FGGY: variants seen among roughly 807,000 people sequenced by gnomAD.
The protein encoded by FGGY is FGGY carbohydrate kinase domain containing.
A neutral mutation model predicts 71.3 loss-of-function variants in FGGY; 72 were observed. The observed-to-expected ratio is 1.01, with a 90% CI of 0.84 to 1.23. The LOEUF (loss-of-function observed/expected upper bound fraction) is 1.23, where lower values mean the gene tolerates loss of function less well. FGGY is among the 50% of genes most tolerant of loss of function. The pLI is 0.00. For missense variants in FGGY, 668 were observed against 682.3 expected, an observed-to-expected ratio of 0.98 and a Z score of 0.23; for synonymous variants, 251 against 250.3, an observed-to-expected ratio of 1.00 and a Z score of -0.02.
At chr1:59,710,981 C>T (rs2097789671) in intron 14 of FGGY, among the ~76,000 whole-genome samples, 2 of 152,116 alleles carry the variant, frequency 1.3e-5, no homozygotes, top group South Asian at 4.2e-4. Flanking sequence ...ACTACAAAGA[C>T]AAATGCACAT....
intron 8 of FGGY, among the ~76,000 whole-genome samples, chr1:59,595,896 C>A (rs970892513): frequency 8.5e-5 from 13 of 152,158 alleles, no homozygotes; most frequent in African/African-American, 3.1e-4. Context: ...GCCTGCTTCA[C>A]ATCGAAGGCA....
intron 14 of FGGY, among the ~76,000 whole-genome samples, chr1:59,702,523 C>G (rs2154020167): frequency 6.6e-6 from 1 of 152,182 alleles, no homozygotes; most frequent in East Asian, 1.9e-4. Flanking sequence ...TAGATGAGAA[C>G]TATGGGGTAA....
intron 6 of FGGY, among the ~76,000 whole-genome samples, chr1:59,484,086 T>C (rs931881150): frequency 1.3e-5 from 2 of 152,186 alleles, no homozygotes; most frequent in Non-Finnish European, 2.9e-5. Context: ...CATTATTATC[T>C]TCCTTTTACA....
chr1:59,594,177 T>C (rs2096491738), intron 8 of FGGY, among the ~76,000 whole-genome samples: 1 of 152,198 alleles, frequency 6.6e-6, no homozygotes, highest in African/African-American at 2.4e-5. Context: ...CCTGCTGCGT[T>C]TGTAGCCATC....
At chr1:59,379,246 CA>C (rs1405394366) in intron 5 of FGGY, among the ~76,000 whole-genome samples, 2 of 150,548 alleles carry the variant, frequency 1.3e-5, no homozygotes, top group Non-Finnish European at 2.9e-5. Flanking sequence ...TGTTGTTAGG[CA>C]ATTTCATTAT....
chr1:59,723,679 A>G (rs1469710327), intron 14 of FGGY, among the ~76,000 whole-genome samples: 1 of 152,074 alleles, frequency 6.6e-6, no homozygotes, highest in East Asian at 1.9e-4. Context: ...CGTTTTATAC[A>G]CTAGTAACAC....
intron 7 of FGGY, among the ~76,000 whole-genome samples, chr1:59,513,898 C>A (rs1264071349): frequency 6.6e-6 from 1 of 152,224 alleles, no homozygotes; most frequent in African/African-American, 2.4e-5. Context: ...TCTCATCAAT[C>A]TATGGACATG....
intron 14 of FGGY, among the ~76,000 whole-genome samples, chr1:59,730,123 A>G (rs2098007040): frequency 6.6e-6 from 1 of 152,000 alleles, no homozygotes. Flanking sequence ...TCAGCCCCCA[A>G]CACTTCAAAT....
chr1:59,620,717 A>G (rs1253912318), intron 9 of FGGY, among the ~76,000 whole-genome samples: 1 of 152,046 alleles, frequency 6.6e-6, no homozygotes, highest in Non-Finnish European at 1.5e-5. Context: ...ATTATAATAA[A>G]TATCCTAAAC....
intron 8 of FGGY, among the ~76,000 whole-genome samples, chr1:59,599,937 A>G (rs1251449589): frequency 6.6e-6 from 1 of 152,172 alleles, no homozygotes; most frequent in Non-Finnish European, 1.5e-5. Flanking sequence ...GGTAAAAGCT[A>G]CATCAGACAG....
chr1:59,613,242 T>G (rs1409819552), intron 9 of FGGY, among the ~76,000 whole-genome samples: 1 of 152,188 alleles, frequency 6.6e-6, no homozygotes, highest in Non-Finnish European at 1.5e-5. Flanking sequence ...GACCACATAG[T>G]TGGAAGTAAA....
chr1:59,625,401 C>G lies in FGGY; in HGVS notation c.1012-587C>G, dbSNP rs1572260662. On this transcript the variant is annotated intron_variant, in intron 9 of 15. Coordinates refer to ENST00000303721, the MANE Select transcript of FGGY (RefSeq NM_018291.5). ...TTTCTGTCCTTGGAGAGCTGTGTTT[C>G]CCATGTGATGATTGTTCAGTCAGGA... 2.6e-5 allele frequency among the ~76,000 whole-genome samples: 4 copies of G among 152,220 alleles called. No homozygotes were observed. The South Asian group carries it at 8.3e-4, about 32-fold the overall frequency.
In FGGY at chr1:59,442,180, A is replaced by G. The variant is rs77215804; in HGVS notation, c.555-14781A>G. Among the ~76,000 whole-genome samples, 612 of 152,276 alleles carry G rather than the reference A, an allele frequency of 4.0e-3. 7 individuals carry two copies. Among genetic ancestry groups the G allele is most frequent in the African/African-American group, 0.013 (558 of 41,536 alleles). On this transcript the variant is annotated intron_variant, in intron 5 of 15. Transcript: ENST00000303721. ...GGGTTCCAACTCTAGCTCTACCCGT[A>G]TTAGCTAAATAATATGGTGCTCTCT...
chr1:59,369,719 C>T (rs1018554161), intron 4 of FGGY, among the ~76,000 whole-genome samples: 44 of 152,148 alleles, frequency 2.9e-4, no homozygotes, highest in Admixed American at 9.2e-4. Context: ...GACAAAACTC[C>T]CAGAAGAATG....
At position 59,667,285 on chromosome 1, in the gene FGGY, G is replaced by T; in HGVS notation, c.1299G>T (p.Leu433Phe). The T allele has an allele frequency of 6.2e-7, 1 of 1,613,986 alleles. No homozygotes were observed. The highest frequency in any genetic ancestry group is 8.5e-7 in the Non-Finnish European group (1 of 1,179,990). ...LYLATVQAIA[L>F]GTRFIIEAME... ...TATCTTCTGCTTTTCCTTTCAAGTT[G>T]GGGACTCGCTTCATTATAGAAGCCA... The change falls in exon 13 of 16, where the codon TTG becomes TTT. Residue 433 changes from leucine to phenylalanine, a missense_variant and splice_region_variant. By Grantham distance (22) the Leu-to-Phe change is conservative. Coordinates refer to ENST00000303721, the MANE Select transcript of FGGY (RefSeq NM_018291.5).
At chr1:59,326,817 G>T (rs2047519725) in intron 2 of FGGY, among the ~76,000 whole-genome samples, 1 of 151,676 alleles carries the variant, frequency 6.6e-6, no homozygotes, top group Non-Finnish European at 1.5e-5. Flanking sequence ...GATAAATTCA[G>T]TTCCAGAACA....
At chr1:59,304,079 C>T (rs983149210) in intron 1 of FGGY, among the ~76,000 whole-genome samples, 5 of 152,052 alleles carry the variant, frequency 3.3e-5, no homozygotes, top group African/African-American at 1.2e-4. Flanking sequence ...TGTGCAGAAA[C>T]TTTGATGTAG....
At chr1:59,507,684 A>ATTTTTTTTTTTTTTTG (rs2094423206) in intron 6 of FGGY, among the ~76,000 whole-genome samples, 1 of 106,944 alleles carries the variant, frequency 9.4e-6, no homozygotes, top group African/African-American at 4.1e-5. Flanking sequence ...TGCTTGGCTA[A>ATTTTTTTTTTTTTTTG]TTTTTTTTTT....
intron 12 of FGGY, among the ~76,000 whole-genome samples, chr1:59,660,751 G>A (rs1448215998): frequency 2.0e-5 from 3 of 152,192 alleles, no homozygotes; most frequent in African/African-American, 7.2e-5. Flanking sequence ...GCTTAAGTGA[G>A]GTTAGGATGA....
Sources: allele counts gnomAD v4.1 joint callset (sites outside exome capture counted in the v4.1 genomes callset), GRCh38; gene constraint gnomAD v4.1.1; transcripts MANE v1.5; gene names NCBI Gene and HGNC (gene_info 2026-07-23, HGNC 2026-07-21).